FZR1: variants seen among roughly 807,000 people sequenced by gnomAD.
FZR1 encodes the protein fizzy and cell division cycle 20 related 1.
A neutral mutation model predicts 63.6 loss-of-function variants in FZR1; 11 were observed. That is an observed-to-expected ratio of 0.17 (90% CI 0.11 to 0.29). The LOEUF (loss-of-function observed/expected upper bound fraction) is 0.29, where lower values mean the gene tolerates loss of function less well. Ranked by LOEUF, FZR1 falls within the 10% of genes least tolerant of loss-of-function variation. The pLI is 1.00. For synonymous variants in FZR1, 328 were observed against 297.9 expected, an observed-to-expected ratio of 1.10 and a Z score of -1.04; for missense variants, 440 against 687.5, an observed-to-expected ratio of 0.64 and a Z score of 4.03.
chr19:3,532,244 AGCCAGTCCTG>A, intron 10 of FZR1, 149 bp downstream of exon 10: 1 of 928,748 alleles, frequency 1.1e-6, no homozygotes, highest in African/African-American at 1.7e-5. Context: ...CTTCCTGCTC[AGCCAGTCCTG>A]CCCTGTGGCA....
rs1372494097 is a variant in FZR1, at chr19:3,537,342, C to T, written c.*2506C>T. On this transcript the variant is annotated 3_prime_UTR_variant, in exon 14 of 14. Transcript: ENST00000441788. ...ACAGGCAGACGAAGGCCAGTGGGGC[C>T]ATCGCTTCCTGGGGCGACCCTGGCA... 2 of 152,262 alleles carry T rather than the reference C, an allele frequency of 1.3e-5. No homozygotes were observed. The highest frequency in any genetic ancestry group is 4.8e-5 in the African/African-American group (2 of 41,440). 9.4% of individuals were successfully genotyped at this position (152,262 alleles called of 1,614,324 possible).
rs537813007 is a variant in FZR1, at chr19:3,531,698, A to C, written c.721-16A>C. 1.3e-6 allele frequency: 2 copies of C among 1,533,150 alleles called. No individual in the cohort carries two copies. The highest frequency in any genetic ancestry group is 1.8e-6 in the Non-Finnish European group (2 of 1,132,016). 95.0% of individuals were successfully genotyped at this position (1,533,150 alleles called of 1,614,324 possible). On this transcript the variant is annotated splice_polypyrimidine_tract_variant and intron_variant, in intron 8 of 13. Coordinates refer to ENST00000441788, the MANE Select transcript of FZR1 (RefSeq NM_016263.4). ...CAGACCTGACACCGGTGCTCTGCCC[A>C]TGCCTTCCATCCTAGGGGAACCTGG...
rs553709955 is a variant in FZR1 at position 3,537,133 on chromosome 19, C to G, written c.*2297C>G. 1 of 152,550 alleles carries G rather than the reference C, an allele frequency of 6.6e-6. No individual in the cohort carries two copies. The highest frequency in any genetic ancestry group is 2.4e-5 in the African/African-American group (1 of 41,454). 9.4% of individuals were successfully genotyped at this position (152,550 alleles called of 1,614,324 possible). A position where few individuals can be genotyped will look rare whatever the true frequency, so the allele number is the denominator to read the frequency against. On this transcript the variant is annotated 3_prime_UTR_variant, in exon 14 of 14. Coordinates refer to ENST00000441788, the MANE Select transcript of FZR1 (RefSeq NM_016263.4). ...GGGACAGAGCAAGGGGGGTGAAGGC[C>G]GTGGTGGGAGGGTCCCATGATGATG...
At chr19:3,529,921 T>A (rs1359167651) in intron 7 of FZR1, among the ~76,000 whole-genome samples, 18 of 53,458 alleles carry the variant, frequency 3.4e-4, no homozygotes, top group East Asian at 8.5e-4. Context: ...AGCGGATGGG[T>A]GAGCGGATGG....
chr19:3,528,852 TGAGTGGATGAGA>T (rs1373308983), intron 7 of FZR1, among the ~76,000 whole-genome samples: 1 of 114,312 alleles, frequency 8.7e-6, no homozygotes, highest in South Asian at 2.9e-4. Context: ...AGTGGATGGG[TGAGTGGATGAGA>T]GAGTGGATGG....
intron 8 of FZR1, 47 bp downstream of exon 8, chr19:3,530,904 C>G: frequency 1.4e-6 from 2 of 1,474,356 alleles, no homozygotes; most frequent in South Asian, 1.2e-5. Flanking sequence ...TGATGGGGCT[C>G]TTGACAGTGT....
In FZR1 at chr19:3,535,449, C is replaced by G. The variant is rs1374574545; in HGVS notation, c.*613C>G. On this transcript the variant is annotated 3_prime_UTR_variant, in exon 14 of 14. Coordinates refer to ENST00000441788, the MANE Select transcript of FZR1 (RefSeq NM_016263.4). ...GCATCCTTGCAGCCACCTCTGCTGT[C>G]ACTGCTCGAAGCAGCAGTCTCTCTG... The G allele has an allele frequency of 1.3e-5, 2 of 154,122 alleles. No homozygotes were observed. The highest frequency in any genetic ancestry group is 4.8e-5 in the African/African-American group (2 of 41,500). The allele number at this position is 154,122 out of a possible 1,614,324, so 9.5% of individuals were successfully genotyped here.
At chr19:3,527,962 C>T (rs1427770261) in intron 7 of FZR1, 148 bp downstream of exon 7, 34 of 561,686 alleles carry the variant, frequency 6.1e-5, no homozygotes, top group Admixed American at 3.3e-4. Flanking sequence ...CTCCCAGCCA[C>T]AGCCCTCCCA....
chr19:3,523,058 C>G lies in FZR1; in HGVS notation c.69C>G (p.Arg23=). Residue 23 remains arginine (R), a splice_region_variant and synonymous_variant, in exon 2 of 14, where the codon CGC becomes CGG. Coordinates refer to ENST00000441788, the MANE Select transcript of FZR1 (RefSeq NM_016263.4). ...IVIQNENTMP[R]VTEMRRTLTP... Reference sequence around the variant, plus strand: ...TCCAGAATGAGAACACGATGCCACGCGTGAGTGCCCCCGCCCTGCCCACCA... The same window carrying G: ...TCCAGAATGAGAACACGATGCCACGGGTGAGTGCCCCCGCCCTGCCCACCA... 6.3e-7 allele frequency: 1 copy of G among 1,590,028 alleles called. No homozygotes were observed. The highest frequency in any genetic ancestry group is 8.6e-7 in the Non-Finnish European group (1 of 1,159,260).
chr19:3,511,139 C>T (rs886750385), intron 1 of FZR1, among the ~76,000 whole-genome samples: 2 of 152,246 alleles, frequency 1.3e-5, no homozygotes, highest in Admixed American at 1.3e-4. Flanking sequence ...GGCACTGCAG[C>T]CTTTTGTGCT....
At position 3,531,928 on chromosome 19, in the gene FZR1, G is replaced by A; in HGVS notation, c.841G>A (p.Ala281Thr). Residue 281 changes from alanine (A) to threonine (T), a missense_variant, in exon 10 of 14, where the codon GCT (alanine) becomes ACT (threonine). Coordinates refer to ENST00000441788, the MANE Select transcript of FZR1 (RefSeq NM_016263.4). ...TARVGALAWNAEQLSSGSRDR... is the reference protein window; with the variant it reads ...TARVGALAWNTEQLSSGSRDR... Reference sequence around the variant, plus strand: ...GCCTCCAGGGGCGCTGGCCTGGAATGCTGAGCAGCTGTCGTCCGGGAGCCG... The same window carrying A: ...GCCTCCAGGGGCGCTGGCCTGGAATACTGAGCAGCTGTCGTCCGGGAGCCG... 1.9e-6 allele frequency: 3 copies of A among 1,595,580 alleles called. No individual in the cohort carries two copies. The highest frequency in any genetic ancestry group is 2.6e-6 in the Non-Finnish European group (3 of 1,174,032).
At position 3,526,450 on chromosome 19, in the gene FZR1, T is replaced by C; in HGVS notation, c.387+64T>C. 4.4e-6 allele frequency: 6 copies of C among 1,370,764 alleles called. No individual in the cohort carries two copies. Among genetic ancestry groups the C allele is most frequent in the Non-Finnish European group, 6.0e-6 (6 of 1,002,024 alleles). 84.9% of individuals were successfully genotyped at this position (1,370,764 alleles called of 1,614,324 possible). A position where few individuals can be genotyped will look rare whatever the true frequency, so the allele number is the denominator to read the frequency against. On this transcript the variant is annotated intron_variant, in intron 5 of 13. Coordinates refer to ENST00000441788, the MANE Select transcript of FZR1 (RefSeq NM_016263.4). The surrounding 1 kb of genome is among the most constrained non-coding windows in gnomAD (Gnocchi z 5.4). Reference sequence around the variant, plus strand: ...AGTGCAGCCTCCCCGGCCCCCCACCTCCCAGGCACCAGCTCTGCCTCCCCG... The same window carrying C: ...AGTGCAGCCTCCCCGGCCCCCCACCCCCCAGGCACCAGCTCTGCCTCCCCG...
Position 3,526,312 on chromosome 19 carries a change from G to C in FZR1, c.313G>C (p.Glu105Gln), listed in dbSNP as rs1446224791. ...LKNELLGAGI[E>Q]KVQDPQTEDR... ...GAATGAGCTGCTGGGTGCCGGCATC[G>C]AGAAGGTGCAGGACCCGCAGACTGA... The change falls in exon 5 of 14, where the codon GAG becomes CAG. Residue 105 changes from glutamate (E) to glutamine (Q), a missense_variant. By Grantham distance (29) the Glu-to-Gln change is conservative. Around this residue, in one of 5 missense-constraint regions of FZR1, gnomAD observed 200 missense variants for 245.1 expected, o/e 0.82. Transcript: ENST00000441788. This position sits in a 1 kb window ranked among gnomAD's most constrained non-coding sequence, Gnocchi z 5.4. The C allele has an allele frequency of 1.2e-6, 2 of 1,605,840 alleles. No homozygotes were observed. Among genetic ancestry groups the C allele is most frequent in the South Asian group, 1.1e-5 (1 of 90,332 alleles).
chr19:3,532,275 A>T (rs2083256011), intron 10 of FZR1, 142 bp from the exon 11 acceptor site: 3 of 834,916 alleles, frequency 3.6e-6, no homozygotes, highest in East Asian at 2.7e-5. Context: ...CAGGGTGACG[A>T]GTGTGTGCCC....
rs2083143985 is a variant in FZR1 at position 3,525,427 on chromosome 19, G to A, written c.70-441G>A. Among the ~76,000 whole-genome samples the A allele has an allele frequency of 9.5e-6, 1 of 104,972 alleles. No homozygotes were observed. Among genetic ancestry groups the A allele is most frequent in the Admixed American group, 1.0e-4 (1 of 9,822 alleles). 68.9% of individuals were successfully genotyped at this position (104,972 alleles called of 152,430 possible). On this transcript the variant is annotated intron_variant, in intron 2 of 13. Transcript: ENST00000441788. This position sits in a 1 kb window ranked among gnomAD's most constrained non-coding sequence, Gnocchi z 4.2. ...GTGACTGTGTGGCTCCCCTCCTTGG[G>A]TTTTCTTTTTTTTTTTTTTTTTTTT... is the stretch of plus-strand genomic sequence containing the variant.
chr19:3,527,847 G>T, intron 7 of FZR1, 33 bp downstream of exon 7: 2 of 1,551,078 alleles, frequency 1.3e-6, no homozygotes, highest in South Asian at 2.3e-5. Flanking sequence ...ATGTGCATGG[G>T]GGCCTCCCCA....
At chr19:3,527,392 C>T (rs2083170763) in intron 6 of FZR1, among the ~76,000 whole-genome samples, 1 of 152,200 alleles carries the variant, frequency 6.6e-6, no homozygotes, top group East Asian at 1.9e-4. Context: ...GAAGGGCTGC[C>T]TGGAGGAGGT....
intron 1 of FZR1, among the ~76,000 whole-genome samples, chr19:3,511,426 G>C (rs760778707): frequency 1.3e-5 from 2 of 152,206 alleles, no homozygotes; most frequent in Non-Finnish European, 2.9e-5. Flanking sequence ...CTGCCGGCTG[G>C]GTACAGAGGC....
chr19:3,507,548 T>C (rs1057141718), intron 1 of FZR1, among the ~76,000 whole-genome samples: 3 of 152,070 alleles, frequency 2.0e-5, no homozygotes, highest in Non-Finnish European at 2.9e-5. Context: ...CCCGCCCCAG[T>C]CTACCGGGCG....
Sources: gnomAD v4.1 joint callset for allele counts (sites outside exome capture counted in the v4.1 genomes callset) on GRCh38, gnomAD v4.1.1 for gene constraint, gnomAD v4.1.1 regional missense constraint, Gnocchi (gnomAD v3.1) non-coding constraint, MANE v1.5 for transcripts, NCBI Gene and HGNC (gene_info 2026-07-23, HGNC 2026-07-21) for gene names.